The following SREBF1 variants were observed in gnomAD, a reference collection of about 807,000 sequenced individuals.
SREBF1 encodes sterol regulatory element binding transcription factor 1, also known as sterol regulatory element-binding protein 1.
SREBF1 carries 45 observed loss-of-function variants against 100.1 expected under a neutral mutation model. The observed-to-expected ratio is 0.45, with a 90% CI of 0.35 to 0.58. The LOEUF (loss-of-function observed/expected upper bound fraction) is 0.58. Ranked by LOEUF, SREBF1 falls within the 20% of genes least tolerant of loss-of-function variation. The pLI is 0.00. For synonymous variants in SREBF1, 657 were observed against 681.8 expected (o/e 0.96, Z 0.57); for missense variants, 1,324 against 1,539.4 (o/e 0.86, Z 2.34).
At position 17,817,498 on chromosome 17, in the gene SREBF1, G is replaced by A. The variant is rs748652493; in HGVS notation, c.1405-41C>T. On this transcript the variant is annotated intron_variant, in intron 7 of 18. Transcript: ENST00000261646. The surrounding 1 kb of genome is among the most constrained non-coding windows in gnomAD (Gnocchi z 6.6). ...AGGGTGGTGAGGGCAGAATCGGAGG[G>A]ACCCCAGAGAGCATGGGGCTGGGAA... The A allele has an allele frequency of 3.7e-5, 58 of 1,552,490 alleles. No homozygotes were observed. The highest frequency in any genetic ancestry group is 4.7e-5 in the Non-Finnish European group (54 of 1,145,420).
At chr17:17,822,106 C>T (rs1343841134) in intron 1 of SREBF1, among the ~76,000 whole-genome samples, 2 of 152,234 alleles carry the variant, frequency 1.3e-5, no homozygotes, top group East Asian at 1.9e-4. Context: ...GATTAGCTCA[C>T]CTCATCTTGG....
intron 9 of SREBF1, 45 bp downstream of exon 9, chr17:17,816,913 C>T (rs1249520047): frequency 6.2e-7 from 1 of 1,611,462 alleles, no homozygotes; most frequent in Non-Finnish European, 8.5e-7. Flanking sequence ...ACCTTCACAG[C>T]CTGGGGTCCC....
At position 17,824,422 on chromosome 17, in the gene SREBF1, C is replaced by T. The variant is rs1013877982; in HGVS notation, c.92-3901G>A. Among the ~76,000 whole-genome samples the T allele has an allele frequency of 1.3e-5, 2 of 152,196 alleles. No individual in the cohort carries two copies. Among genetic ancestry groups the T allele is most frequent in the Non-Finnish European group, 2.9e-5 (2 of 68,038 alleles). On this transcript the variant is annotated intron_variant, in intron 1 of 18. Transcript: ENST00000261646. The surrounding 1 kb of genome is among the most constrained non-coding windows in gnomAD (Gnocchi z 4.2). Reference sequence around the variant, plus strand: ...TCCCCCTCAAGGCCTCACAACCCAGCAGTCACCAAGTGAGTCCCGACCCAC... The same window carrying T: ...TCCCCCTCAAGGCCTCACAACCCAGTAGTCACCAAGTGAGTCCCGACCCAC...
intron 1 of SREBF1, among the ~76,000 whole-genome samples, chr17:17,833,364 T>C (rs1391024226): frequency 7.6e-6 from 1 of 131,728 alleles, no homozygotes; most frequent in Admixed American, 8.9e-5. Context: ...GAGCTTGCAG[T>C]GAGCCAAGAT....
chr17:17,817,215 C>G lies in SREBF1; in HGVS notation c.1606+41G>C, dbSNP rs530183030. 1.2e-6 allele frequency: 2 copies of G among 1,609,298 alleles called. No individual in the cohort carries two copies. The highest frequency in any genetic ancestry group is 1.3e-5 in the African/African-American group (1 of 75,004). Reference sequence around the variant, plus strand: ...AGTTCACAAGCCTGGGGGCTCACCCCGAGTGTCCCTCCCAAAGATGCCCAG... The same window carrying G: ...AGTTCACAAGCCTGGGGGCTCACCCGGAGTGTCCCTCCCAAAGATGCCCAG... On this transcript the variant is annotated intron_variant, in intron 8 of 18. Transcript: ENST00000261646. The surrounding 1 kb of genome is among the most constrained non-coding windows in gnomAD (Gnocchi z 6.6).
At chr17:17,834,527 G>A (rs565775476) in intron 1 of SREBF1, among the ~76,000 whole-genome samples, 2 of 152,268 alleles carry the variant, frequency 1.3e-5, no homozygotes, top group Non-Finnish European at 2.9e-5. Flanking sequence ...GGGTAAAGCT[G>A]AGCCCTGCCT....
chr17:17,812,421 C>T lies in SREBF1; in HGVS notation c.*201G>A. On this transcript the variant is annotated 3_prime_UTR_variant, in exon 19 of 19. Coordinates refer to ENST00000261646, the MANE Select transcript of SREBF1 (RefSeq NM_004176.5). The stretch of plus-strand genomic sequence containing the variant: ...GCCCCGATCGGCCACCAGAGGTCAG[C>T]ACCATCATGGCCGCCGGTCTTAGGG... The T allele has an allele frequency of 1.5e-6, 1 of 654,292 alleles. No individual in the cohort carries two copies. The highest frequency in any genetic ancestry group is 2.6e-6 in the Non-Finnish European group (1 of 386,084). The allele number at this position is 654,292 out of a possible 1,614,324, so 40.5% of individuals were successfully genotyped here.
At chr17:17,823,662 C>A (rs748929980) in intron 1 of SREBF1, 2 of 1,275,220 alleles carry the variant, frequency 1.6e-6, no homozygotes, top group Admixed American at 2.1e-5. Context: ...GCGCCCGCCC[C>A]GCCCCGCCCC....
At chr17:17,813,051 A>T in intron 18 of SREBF1, 200 bp from the exon 19 acceptor site, 1 of 606,724 alleles carries the variant, frequency 1.6e-6, no homozygotes. Context: ...ACGTGCAGTC[A>T]TGTATCCCAC....
Position 17,815,914 on chromosome 17 carries a change from A to G in SREBF1, c.2329T>C (p.Trp777Arg). Residue 777 changes from tryptophan to arginine, a missense_variant, in exon 12 of 19, where the codon TGG (tryptophan) becomes CGG (arginine). By Grantham distance (101) the Trp-to-Arg change is moderately radical (BLOSUM62 -3). Transcript: ENST00000261646. ...TCCCATGGGGTACTGAGCACGGACCAGTCCCCATCCACGAAGAAACGGTGG... is the reference window on the plus strand; with the variant it reads ...TCCCATGGGGTACTGAGCACGGACCGGTCCCCATCCACGAAGAAACGGTGG... The part of the protein sequence containing the change: ...VGHRFFVDGD[W>R]SVLSTPWESL... The G allele has an allele frequency of 6.2e-7, 1 of 1,612,990 alleles. No individual in the cohort carries two copies.
Position 17,819,162 on chromosome 17 carries a change from G to C in SREBF1, c.919C>G (p.Arg307Gly). The change falls in exon 5 of 19, where the codon CGG (arginine) becomes GGG (glycine). Residue 307 changes from arginine to glycine, a missense_variant. By Grantham distance (125) the Arg-to-Gly change is moderately radical. Transcript: ENST00000261646. ...GGGGCCTTGCTGCCAGCTGCGAGCC[G>C]GTTGATAGGCAGCTTCTCCGCATCT... ...VVDAEKLPIN[R>G]LAAGSKAPAS... 1 of 1,614,174 alleles carries C rather than the reference G, an allele frequency of 6.2e-7. No individual in the cohort carries two copies. The highest frequency in any genetic ancestry group is 8.5e-7 in the Non-Finnish European group (1 of 1,180,058).
At chr17:17,829,788 C>T (rs1006792669) in intron 1 of SREBF1, among the ~76,000 whole-genome samples, 7 of 151,986 alleles carry the variant, frequency 4.6e-5, no homozygotes, top group South Asian at 2.1e-4. Context: ...GTAGCTGGGA[C>T]GACAGGCACA....
chr17:17,822,392 C>A (rs2034161147), intron 1 of SREBF1, among the ~76,000 whole-genome samples: 1 of 152,246 alleles, frequency 6.6e-6, no homozygotes, highest in Non-Finnish European at 1.5e-5. Flanking sequence ...AGCCAAGTAG[C>A]CTCAAGACCC....
At chr17:17,825,603 CTTTTTTTTTTT>C (rs60178339) in intron 1 of SREBF1, among the ~76,000 whole-genome samples, 2 of 92,554 alleles carry the variant, frequency 2.2e-5, no homozygotes, top group Non-Finnish European at 4.6e-5. Flanking sequence ...TGGCCAATTT[CTTTTTTTTTTT>C]TTTTTTTTTT....
chr17:17,820,254 G>C lies in SREBF1; in HGVS notation c.359C>G (p.Pro120Arg). Residue 120 changes from proline (P) to arginine (R), a missense_variant, in exon 2 of 19, where the codon CCT (proline) becomes CGT (arginine). Transcript: ENST00000261646. ...TGGCACTGACTCTTCCTTGATACCAGGCCCAGGGGAGAAAGCGGGCATGGA... is the reference window on the plus strand; with the variant it reads ...TGGCACTGACTCTTCCTTGATACCACGCCCAGGGGAGAAAGCGGGCATGGA... ...YPSMPAFSPG[P>R]GIKEESVPLS... 1 of 1,613,886 alleles carries C rather than the reference G, an allele frequency of 6.2e-7. No individual in the cohort carries two copies.
At chr17:17,834,308 C>T (rs2035093957) in intron 1 of SREBF1, among the ~76,000 whole-genome samples, 2 of 152,310 alleles carry the variant, frequency 1.3e-5, no homozygotes, top group East Asian at 3.9e-4. Flanking sequence ...CCAGGCTGGT[C>T]TCAAACTCCT....
Position 17,817,431 on chromosome 17 carries a change from C to G in SREBF1, c.1431G>C (p.Leu477=). 1 of 1,589,874 alleles carries G rather than the reference C, an allele frequency of 6.3e-7. No homozygotes were observed. The highest frequency in any genetic ancestry group is 8.6e-7 in the Non-Finnish European group (1 of 1,168,226). The change falls in exon 8 of 19, where the codon CTG becomes CTC. Residue 477 remains leucine (L), a synonymous_variant. Transcript: ENST00000261646. The surrounding 1 kb of genome is among the most constrained non-coding windows in gnomAD (Gnocchi z 6.6). ...AGCGGTCCAGCATGCCCCGGCTGTG[C>G]AGAGACGGCCGCTGCTCTGGCTTTG... ...SKAKPEQRPS[L]HSRGMLDRSR...
intron 1 of SREBF1, among the ~76,000 whole-genome samples, chr17:17,827,048 G>C (rs190497117): frequency 2.6e-5 from 4 of 152,322 alleles, no homozygotes; most frequent in African/African-American, 9.6e-5. Flanking sequence ...CATCTTAGGA[G>C]GTGACATCTG....
At chr17:17,826,237 T>C (rs1167885564) in intron 1 of SREBF1, among the ~76,000 whole-genome samples, 1 of 151,804 alleles carries the variant, frequency 6.6e-6, no homozygotes, top group Non-Finnish European at 1.5e-5. Context: ...AGTTGCCTGA[T>C]ACTTGCAGTA....
Sources: allele counts gnomAD v4.1 joint callset (sites outside exome capture counted in the v4.1 genomes callset), GRCh38; gene constraint gnomAD v4.1.1; non-coding constraint Gnocchi (gnomAD v3.1); transcripts MANE v1.5; gene names NCBI Gene and HGNC (gene_info 2026-07-23, HGNC 2026-07-21).